Variants in APOLD1 observed in about 807,000 individuals in gnomAD.
The protein encoded by APOLD1 is apolipoprotein L domain-containing protein 1.
A neutral mutation model predicts 15.3 loss-of-function variants in APOLD1; 22 were observed. The observed-to-expected ratio is 1.44, with a 90% CI of 1.03 to 2.05. APOLD1 has a LOEUF of 2.05. Ranked by LOEUF, APOLD1 falls within the 30% of genes most tolerant of loss-of-function variation. The pLI, the probability that APOLD1 is intolerant of heterozygous loss-of-function variation, is 0.00. For missense variants in APOLD1, 394 were observed against 353.5 expected (o/e 1.11, Z -0.92); for synonymous variants, 190 against 167.4 (o/e 1.13, Z -1.04).
intron 1 of APOLD1, among the ~76,000 whole-genome samples, chr12:12,728,296 C>A (rs1387120128): frequency 6.6e-6 from 1 of 152,060 alleles, no homozygotes; most frequent in African/African-American, 2.4e-5. Context: ...GGTTCAAGCC[C>A]AGACTATGGG....
intron 1 of APOLD1, among the ~76,000 whole-genome samples, chr12:12,775,468 A>G (rs534853349): frequency 2.6e-5 from 4 of 152,320 alleles, no homozygotes; most frequent in African/African-American, 9.6e-5. Context: ...TAGGTTCATG[A>G]ATTGTAACAT....
intron 1 of APOLD1, among the ~76,000 whole-genome samples, chr12:12,755,797 C>T (rs953912445): frequency 2.2e-4 from 34 of 152,292 alleles, no homozygotes; most frequent in African/African-American, 7.7e-4. Flanking sequence ...GCCGAAATTG[C>T]GCCACTGCGC....
At chr12:12,743,048 C>T (rs1218178399) in intron 1 of APOLD1, among the ~76,000 whole-genome samples, 5 of 152,232 alleles carry the variant, frequency 3.3e-5, no homozygotes, top group East Asian at 1.9e-4. Context: ...CACCGCGCCC[C>T]GCCATGGTCA....
At chr12:12,727,715 A>C (rs1316724052) in intron 1 of APOLD1, among the ~76,000 whole-genome samples, 1 of 148,930 alleles carries the variant, frequency 6.7e-6, no homozygotes, top group Admixed American at 6.7e-5. Flanking sequence ...CAATCCTCCC[A>C]ACTCAGCCTC....
chr12:12,786,690 A>G lies in APOLD1; in HGVS notation c.4-219A>G. The G allele has an allele frequency of 3.0e-6, 3 of 985,352 alleles. No homozygotes were observed. In the South Asian group the frequency reaches 1.4e-4, roughly 46 times the overall value. The allele number at this position is 985,352 out of a possible 1,614,324, so 61.0% of individuals were successfully genotyped here. A position where few individuals can be genotyped will look rare whatever the true frequency, so the allele number is the denominator to read the frequency against. ...TAGCATTATTCCTATTTCCATATGC[A>G]GAGATAAGGTCCTGAGAACTTGTGT... On this transcript the variant is annotated intron_variant, in intron 1 of 1. Transcript: ENST00000356591.
upstream of APOLD1, among the ~76,000 whole-genome samples, chr12:12,785,208 T>C (rs1322809972): frequency 6.6e-6 from 1 of 152,206 alleles, no homozygotes; most frequent in African/African-American, 2.4e-5. Context: ...CTTTTAAAAA[T>C]ACAGCAGTGG....
At chr12:12,782,826 T>G (rs1463948445), upstream of APOLD1, among the ~76,000 whole-genome samples, 1 of 152,220 alleles carries the variant, frequency 6.6e-6, no homozygotes, top group Non-Finnish European at 1.5e-5. Context: ...AGATTTTTTT[T>G]TGTGGAAACT....
chr12:12,763,755 G>A (rs1236446180), intron 1 of APOLD1, among the ~76,000 whole-genome samples: 2 of 151,752 alleles, frequency 1.3e-5, no homozygotes, highest in Non-Finnish European at 2.9e-5. Context: ...TATATGAGGG[G>A]GATGTCTATA....
chr12:12,733,893 C>T (rs989920130), intron 1 of APOLD1, among the ~76,000 whole-genome samples: 2 of 152,294 alleles, frequency 1.3e-5, no homozygotes, highest in South Asian at 2.1e-4. Context: ...CGTGAGCCAC[C>T]GCGCCCAGCC....
At chr12:12,777,928 T>C (rs1314162294) in intron 1 of APOLD1, among the ~76,000 whole-genome samples, 3 of 114,750 alleles carry the variant, frequency 2.6e-5, no homozygotes, top group Non-Finnish European at 3.8e-5. Context: ...TTTTTTTTGT[T>C]GTTGTTGTTT....
At chr12:12,741,183 T>C (rs564125034) in intron 1 of APOLD1, among the ~76,000 whole-genome samples, 12 of 152,304 alleles carry the variant, frequency 7.9e-5, no homozygotes, top group East Asian at 7.7e-4. Flanking sequence ...GGACTATCTG[T>C]TGCAAACTGT....
At chr12:12,781,096 A>T (rs1947076139), upstream of APOLD1, among the ~76,000 whole-genome samples, 2 of 152,216 alleles carry the variant, frequency 1.3e-5, no homozygotes. Context: ...TGCAATTAAA[A>T]GAAATAAGCC....
intron 1 of APOLD1, among the ~76,000 whole-genome samples, chr12:12,778,502 T>C (rs959349030): frequency 2.0e-5 from 3 of 151,094 alleles, no homozygotes; most frequent in African/African-American, 4.9e-5. Flanking sequence ...AATTTCTTTT[T>C]TTTTTTATAG....
At chr12:12,759,253 G>A (rs1242728664) in intron 1 of APOLD1, among the ~76,000 whole-genome samples, 1 of 152,286 alleles carries the variant, frequency 6.6e-6, no homozygotes, top group Non-Finnish European at 1.5e-5. Context: ...AGCTGCTATA[G>A]TTGTTTTTTT....
Position 12,747,142 on chromosome 12 carries a change from C to T in APOLD1, c.96+21046C>T, listed in dbSNP as rs1013623613. Among the ~76,000 whole-genome samples the T allele has an allele frequency of 2.6e-5, 4 of 152,110 alleles. No individual in the cohort carries two copies. The East Asian group carries it at 5.8e-4, about 22-fold the overall frequency. ...ATATATTTTTTTCTAGAGACAGTCT[C>T]GCTTTGTCACCCAGGCTGGAGTGCA... On this transcript the variant is annotated intron_variant, in intron 1 of 1. Transcript: ENST00000326765.
intron 1 of APOLD1, among the ~76,000 whole-genome samples, chr12:12,728,879 C>T (rs1237424463): frequency 6.6e-6 from 1 of 152,114 alleles, no homozygotes; most frequent in Non-Finnish European, 1.5e-5. Context: ...GGGTCTCTAG[C>T]AGAAGCCTGC....
chr12:12,753,474 G>A (rs1946829519), intron 1 of APOLD1, among the ~76,000 whole-genome samples: 1 of 151,900 alleles, frequency 6.6e-6, no homozygotes, highest in African/African-American at 2.4e-5. Flanking sequence ...ACCAGCCTGG[G>A]CAACATGGCG....
Position 12,750,897 on chromosome 12 carries a change from C to T in APOLD1, c.96+24801C>T, listed in dbSNP as rs144314275. ...TGAAGCGATCCTCCCACCTCAGCCT[C>T]GCAAGTAGCTGGGACTATAGGCATG... On this transcript the variant is annotated intron_variant, in intron 1 of 1. Transcript: ENST00000326765. Among the ~76,000 whole-genome samples, 54 of 151,806 alleles carry T rather than the reference C, an allele frequency of 3.6e-4. No homozygotes were observed. The East Asian group carries it at 9.7e-3, about 27-fold the overall frequency.
chr12:12,777,923 T>TTTTTTTTTTTTTTG (rs1555092183), intron 1 of APOLD1, among the ~76,000 whole-genome samples: 1 of 121,574 alleles, frequency 8.2e-6, no homozygotes, highest in African/African-American at 3.3e-5. Context: ...TTTTTTTTTT[T>TTTTTTTTTTTTTTG]TTGTTGTTGT....
Sources: gnomAD v4.1 joint callset for allele counts (sites outside exome capture counted in the v4.1 genomes callset) on GRCh38, gnomAD v4.1.1 for gene constraint, MANE v1.5 for transcripts, NCBI Gene and HGNC (gene_info 2026-07-23, HGNC 2026-07-21) for gene names.